The following LIPI variants were observed in gnomAD, a reference collection of about 807,000 sequenced individuals.
LIPI encodes the protein lipase member I.
LIPI carries 59 observed loss-of-function variants against 50.6 expected under a neutral mutation model. The ratio of observed to expected loss-of-function variants is 1.16; its 90% confidence interval spans 0.94 to 1.45. LIPI has a LOEUF of 1.45. LIPI is among the 40% of genes most tolerant of loss of function. LIPI has a pLI of 0.00. For synonymous variants in LIPI, 203 were observed against 178.2 expected, an observed-to-expected ratio of 1.14 and a Z score of -1.11; for missense variants, 586 against 536.3, an observed-to-expected ratio of 1.09 and a Z score of -0.92.
intron 1 of LIPI, among the ~76,000 whole-genome samples, chr21:14,200,459 C>T (rs1026091241): frequency 2.6e-5 from 4 of 151,872 alleles, no homozygotes; most frequent in Non-Finnish European, 4.4e-5. Flanking sequence ...TATACACCAA[C>T]AAAGTCAAGC....
intron 1 of LIPI, among the ~76,000 whole-genome samples, chr21:14,192,522 A>C (rs1337881156): frequency 6.6e-6 from 1 of 152,242 alleles, no homozygotes; most frequent in African/African-American, 2.4e-5. Context: ...ACACACAAAA[A>C]AGTTAAACTA....
Position 14,152,609 on chromosome 21 carries a change from T to C in LIPI, c.1082A>G (p.Asn361Ser), listed in dbSNP as rs748945878. The change falls in exon 8 of 10, where the codon AAT (asparagine) becomes AGT (serine). Residue 361 changes from asparagine (N) to serine (S), a missense_variant. Coordinates refer to ENST00000681601, the MANE Select transcript of LIPI (RefSeq NM_001302998.2). ...MDGSFSFKLL[N>S]QLGMIEEPRL... ...TGGCTCTTCAATCATTCCAAGCTGA[T>C]TTAATAATTTAAATGAAAACGAGCC... 2 of 1,589,184 alleles carry C rather than the reference T, an allele frequency of 1.3e-6. No homozygotes were observed. The highest frequency in any genetic ancestry group is 1.7e-6 in the Non-Finnish European group (2 of 1,158,772).
intron 4 of LIPI, among the ~76,000 whole-genome samples, chr21:14,172,414 C>T (rs149928785): frequency 0.013 from 2,045 of 152,260 alleles, 49 homozygotes; most frequent in African/African-American, 0.046. Flanking sequence ...GACACATGCA[C>T]ACGTATGTTT....
chr21:14,123,963 C>T (rs1431969502), intron 9 of LIPI, among the ~76,000 whole-genome samples: 1 of 152,114 alleles, frequency 6.6e-6, no homozygotes, highest in African/African-American at 2.4e-5. Flanking sequence ...GAAATTACTG[C>T]CAGAATGCGG....
In LIPI at chr21:14,189,207, C is replaced by T. The variant is rs267606079; in HGVS notation, c.259G>A (p.Gly87Ser). 1 of 1,613,950 alleles carries T rather than the reference C, an allele frequency of 6.2e-7. No individual in the cohort carries two copies. Among genetic ancestry groups the T allele is most frequent in the Non-Finnish European group, 8.5e-7 (1 of 1,179,978 alleles). Residue 87 changes from glycine to serine, a missense_variant, in exon 2 of 10, where the codon GGC becomes AGC. Coordinates refer to ENST00000681601, the MANE Select transcript of LIPI (RefSeq NM_001302998.2). Reference sequence around the variant, plus strand: ...TTCTGAAGCCATAATGGGATGGAGCCTACTGGTCTGTATCCGTGAATAAGC... The same window carrying T: ...TTCTGAAGCCATAATGGGATGGAGCTTACTGGTCTGTATCCGTGAATAAGC... ...VWLIHGYRPV[G>S]SIPLWLQNFV... is the part of the protein sequence containing the mutation.
Position 14,179,719 on chromosome 21 carries a change from C to T in LIPI, c.643+2039G>A, listed in dbSNP as rs1211633162. On this transcript the variant is annotated intron_variant, in intron 4 of 9. Transcript: ENST00000681601. ...TTCTTATGCCTGTCTTTACTTTAAT[C>T]CCTTAATCCTGTTATCTTCATAAGC... Among the ~76,000 whole-genome samples the T allele has an allele frequency of 3.3e-5, 5 of 152,192 alleles. No homozygotes were observed. The East Asian group carries it at 5.8e-4, about 18-fold the overall frequency.
intron 9 of LIPI, among the ~76,000 whole-genome samples, chr21:14,112,125 G>T (rs1484402800): frequency 1.3e-5 from 2 of 151,926 alleles, no homozygotes; most frequent in Non-Finnish European, 2.9e-5. Flanking sequence ...TGGAACCTTT[G>T]TTGAAAATTA....
intron 4 of LIPI, among the ~76,000 whole-genome samples, chr21:14,180,888 T>C (rs370583606): frequency 2.0e-5 from 3 of 152,308 alleles, no homozygotes; most frequent in East Asian, 3.9e-4. Flanking sequence ...GGAGCAATCT[T>C]AGTGTCACTG....
intron 1 of LIPI, among the ~76,000 whole-genome samples, chr21:14,190,687 T>C (rs1358674950): frequency 6.6e-6 from 1 of 152,196 alleles, no homozygotes; most frequent in African/African-American, 2.4e-5. Context: ...TGAGAGATAT[T>C]TGGAAAAATT....
chr21:14,146,296 A>AT (rs1177622736), intron 8 of LIPI, among the ~76,000 whole-genome samples: 1 of 152,130 alleles, frequency 6.6e-6, no homozygotes, highest in African/African-American at 2.4e-5. Context: ...CAAAAAAAAA[A>AT]AAAATACTAA....
chr21:14,147,204 TCAC>T (rs1422498678), intron 8 of LIPI, among the ~76,000 whole-genome samples: 2 of 152,198 alleles, frequency 1.3e-5, no homozygotes, highest in Non-Finnish European at 2.9e-5. Flanking sequence ...TGACTGCTGT[TCAC>T]CATTCAGGAC....
intron 9 of LIPI, among the ~76,000 whole-genome samples, chr21:14,112,411 G>T (rs1201661457): frequency 6.6e-6 from 1 of 151,986 alleles, no homozygotes; most frequent in African/African-American, 2.4e-5. Context: ...CATTAAATCT[G>T]TAGATCCCTT....
chr21:14,206,970 A>G (rs902007064), intron 1 of LIPI: 2 of 1,271,980 alleles, frequency 1.6e-6, no homozygotes, highest in African/African-American at 1.5e-5. Flanking sequence ...TTATTCATGT[A>G]TAATAAGAAG....
At chr21:14,127,060 G>A (rs193296926) in intron 9 of LIPI, among the ~76,000 whole-genome samples, 20 of 152,262 alleles carry the variant, frequency 1.3e-4, no homozygotes, top group South Asian at 1.0e-3. Context: ...CACCTCTGTC[G>A]TGCATAATCC....
chr21:14,180,809 T>C (rs2019244955), intron 4 of LIPI, among the ~76,000 whole-genome samples: 1 of 152,182 alleles, frequency 6.6e-6, no homozygotes, highest in South Asian at 2.1e-4. Context: ...AAATTGCATC[T>C]ATGGCATTTA....
In LIPI at chr21:14,170,222, A is replaced by ATTTGGT. The variant is rs1401841094; in HGVS notation, c.644-3772_644-3771insACCAAA. Among the ~76,000 whole-genome samples the ATTTGGT allele has an allele frequency of 5.3e-5, 8 of 152,242 alleles. No homozygotes were observed. The East Asian group carries it at 1.5e-3, about 29-fold the overall frequency. On this transcript the variant is annotated intron_variant, in intron 4 of 9. Coordinates refer to ENST00000681601, the MANE Select transcript of LIPI (RefSeq NM_001302998.2). ...GGCTCTGAAGTTGTGGCAATAATCAATAGCTTACCAACCAAAAAGAGTCCA... is the reference window on the plus strand; with the variant it reads ...GGCTCTGAAGTTGTGGCAATAATCAATTTGGTTAGCTTACCAACCAAAAAGAGTCCA...
chr21:14,156,397 C>T (rs181583258), intron 7 of LIPI, among the ~76,000 whole-genome samples: 8 of 151,750 alleles, frequency 5.3e-5, no homozygotes, highest in Admixed American at 5.3e-4. Flanking sequence ...GAAGACTCAG[C>T]CCACTAATGT....
intron 7 of LIPI, among the ~76,000 whole-genome samples, chr21:14,155,380 T>G (rs1294544110): frequency 6.6e-6 from 1 of 151,766 alleles, no homozygotes; most frequent in African/African-American, 2.4e-5. Context: ...GCTATTAGAG[T>G]GTCAGAAAGA....
At chr21:14,203,431 A>G (rs2020129499) in intron 1 of LIPI, among the ~76,000 whole-genome samples, 1 of 152,268 alleles carries the variant, frequency 6.6e-6, no homozygotes, top group Non-Finnish European at 1.5e-5. Flanking sequence ...CTTGGAACCA[A>G]CCCAAATGTC....
Sources: gnomAD v4.1 joint callset for allele counts (sites outside exome capture counted in the v4.1 genomes callset) on GRCh38, gnomAD v4.1.1 for gene constraint, MANE v1.5 for transcripts, NCBI Gene and HGNC (gene_info 2026-07-23, HGNC 2026-07-21) for gene names.